PTPRR: variants seen among roughly 807,000 people sequenced by gnomAD.
PTPRR encodes receptor-type tyrosine-protein phosphatase R.
Under a neutral mutation model 77.2 loss-of-function variants are expected in PTPRR, and 38 were observed. The observed-to-expected ratio is 0.49, with a 90% CI of 0.38 to 0.65. The LOEUF (loss-of-function observed/expected upper bound fraction) is 0.65. Ranked by LOEUF, PTPRR falls within the 30% of genes least tolerant of loss-of-function variation. The pLI is 0.00. For missense variants in PTPRR, 744 were observed against 799.2 expected, an observed-to-expected ratio of 0.93 and a Z score of 0.83; for synonymous variants, 299 against 283.1, an observed-to-expected ratio of 1.06 and a Z score of -0.57.
intron 10 of PTPRR, among the ~76,000 whole-genome samples, 173 bp from the exon 11 acceptor site, chr12:70,662,778 A>T (rs1271241709): frequency 6.6e-6 from 1 of 152,192 alleles, no homozygotes. Flanking sequence ...TTAAGCAGCT[A>T]GATTTTATGG....
intron 2 of PTPRR, among the ~76,000 whole-genome samples, chr12:70,874,178 C>T (rs148517154): frequency 2.0e-3 from 300 of 152,210 alleles, no homozygotes; most frequent in African/African-American, 6.9e-3. Flanking sequence ...ACTCTTTGGG[C>T]CCATACTTTT....
At chr12:70,756,191 T>A (rs1395982012) in intron 4 of PTPRR, among the ~76,000 whole-genome samples, 1 of 152,112 alleles carries the variant, frequency 6.6e-6, no homozygotes, top group Admixed American at 6.6e-5. Context: ...CCTTTCTGCT[T>A]AAGACAAACC....
intron 2 of PTPRR, among the ~76,000 whole-genome samples, chr12:70,808,561 C>T (rs1891752122): frequency 6.6e-6 from 1 of 152,116 alleles, no homozygotes; most frequent in African/African-American, 2.4e-5. Flanking sequence ...GACTGGCCAA[C>T]ACTTAGGGCA....
intron 2 of PTPRR, among the ~76,000 whole-genome samples, chr12:70,871,185 T>C (rs1892952941): frequency 6.6e-6 from 1 of 152,192 alleles, no homozygotes; most frequent in Non-Finnish European, 1.5e-5. Context: ...ACAGACTCTC[T>C]GTGGGCTAAC....
At position 70,754,811 on chromosome 12, in the gene PTPRR, TC is replaced by T. The variant is rs1282656986; in HGVS notation, c.628-511del. On this transcript the variant is annotated intron_variant, in intron 4 of 13. Transcript: ENST00000283228. ...TATTTCCTTCTTTCTTTTAATCACA[TC>T]TTTTTTTTTTTTCAAATAGAGTCTC... The T allele has an allele frequency of 2.3e-5, 31 of 1,349,136 alleles. No homozygotes were observed. The East Asian group carries it at 6.4e-4, about 28-fold the overall frequency. The allele number at this position is 1,349,136 out of a possible 1,614,324, so 83.6% of individuals were successfully genotyped here.
chr12:70,880,571 G>A (rs899876165), intron 2 of PTPRR, among the ~76,000 whole-genome samples: 1 of 152,006 alleles, frequency 6.6e-6, no homozygotes, highest in East Asian at 1.9e-4. Context: ...TTGTTTTGTT[G>A]TCTTTCTTCG....
chr12:70,766,719 C>T (rs996097505), intron 2 of PTPRR, among the ~76,000 whole-genome samples: 1 of 151,422 alleles, frequency 6.6e-6, no homozygotes, highest in Non-Finnish European at 1.5e-5. Flanking sequence ...TTGTCAGATT[C>T]ACCAAAGTTG....
intron 6 of PTPRR, among the ~76,000 whole-genome samples, chr12:70,709,827 A>T (rs1373413514): frequency 6.6e-6 from 1 of 152,182 alleles, no homozygotes; most frequent in Non-Finnish European, 1.5e-5. Flanking sequence ...ACACTGCTCA[A>T]GTAAATCAGA....
At chr12:70,896,916 A>G (rs371876921) in intron 1 of PTPRR, among the ~76,000 whole-genome samples, 2 of 151,740 alleles carry the variant, frequency 1.3e-5, no homozygotes, top group Non-Finnish European at 2.9e-5. Context: ...AAGATCAGAT[A>G]GTTGTAGATA....
At chr12:70,787,514 T>C (rs1891347616) in intron 2 of PTPRR, among the ~76,000 whole-genome samples, 2 of 152,280 alleles carry the variant, frequency 1.3e-5, no homozygotes, top group Admixed American at 6.5e-5. Context: ...AACAGGTTAG[T>C]CCTCCTCATA....
At chr12:70,768,052 A>G (rs558247497) in intron 2 of PTPRR, among the ~76,000 whole-genome samples, 83 of 152,276 alleles carry the variant, frequency 5.5e-4, no homozygotes, top group African/African-American at 9.1e-4. Context: ...AATGCCCACA[A>G]GAGAAAGCAG....
intron 1 of PTPRR, among the ~76,000 whole-genome samples, chr12:70,914,336 T>C (rs1488092406): frequency 2.0e-5 from 3 of 152,182 alleles, no homozygotes; most frequent in African/African-American, 7.2e-5. Flanking sequence ...TAAAGAATTT[T>C]TTGGAGAAAG....
At chr12:70,884,924 A>T (rs1893213452) in intron 2 of PTPRR, among the ~76,000 whole-genome samples, 1 of 151,274 alleles carries the variant, frequency 6.6e-6, no homozygotes, top group Non-Finnish European at 1.5e-5. Context: ...ATAAAGAGGA[A>T]CAGCACTGTC....
At chr12:70,778,780 T>C (rs959859350) in intron 2 of PTPRR, among the ~76,000 whole-genome samples, 5 of 152,236 alleles carry the variant, frequency 3.3e-5, no homozygotes, top group African/African-American at 1.2e-4. Context: ...ACTGTCTTGA[T>C]TGCATCAGAC....
At chr12:70,737,534 C>T (rs1221313686) in intron 6 of PTPRR, among the ~76,000 whole-genome samples, 1 of 151,600 alleles carries the variant, frequency 6.6e-6, no homozygotes, top group Non-Finnish European at 1.5e-5. Flanking sequence ...ATCTATCTAT[C>T]TTTCGAGACA....
At chr12:70,705,342 T>C (rs910551012) in intron 6 of PTPRR, among the ~76,000 whole-genome samples, 9 of 152,150 alleles carry the variant, frequency 5.9e-5, no homozygotes, top group African/African-American at 2.2e-4. Flanking sequence ...GGGACCATAA[T>C]GCTAGATTTT....
At chr12:70,800,243 G>A (rs959135436) in intron 2 of PTPRR, among the ~76,000 whole-genome samples, 3 of 151,066 alleles carry the variant, frequency 2.0e-5, no homozygotes, top group African/African-American at 7.3e-5. Flanking sequence ...CCTACCCACT[G>A]CATTTTAGAC....
intron 13 of PTPRR, among the ~76,000 whole-genome samples, chr12:70,653,472 T>TG (rs1430432321): frequency 6.6e-6 from 1 of 152,062 alleles, no homozygotes; most frequent in Admixed American, 6.6e-5. Flanking sequence ...GAAGCAGGAT[T>TG]GGGGGGTAAA....
intron 12 of PTPRR, among the ~76,000 whole-genome samples, chr12:70,658,915 T>TTTTG: frequency 8.0e-6 from 1 of 124,712 alleles, no homozygotes; most frequent in East Asian, 2.6e-4. Context: ...TTTTTTTTTT[T>TTTTG]ATAAGACAGA....
Sources: gnomAD v4.1 joint callset for allele counts (sites outside exome capture counted in the v4.1 genomes callset) on GRCh38, gnomAD v4.1.1 for gene constraint, MANE v1.5 for transcripts, NCBI Gene and HGNC (gene_info 2026-07-23, HGNC 2026-07-21) for gene names.